Variants in SOX5 observed in about 807,000 individuals in gnomAD.
SOX5 encodes the protein transcription factor SOX-5.
SOX5 carries 9 observed loss-of-function variants against 92.0 expected under a neutral mutation model. The observed-to-expected ratio is 0.10, with a 90% CI of 0.06 to 0.17. The LOEUF (loss-of-function observed/expected upper bound fraction) is 0.17, where lower values mean the gene tolerates loss of function less well. Among genes scored for constraint, SOX5 ranks in the 10% least tolerant of loss-of-function variants. The probability of loss-of-function intolerance (pLI) is 1.00; values close to 1 mark genes in which losing one functional copy is unlikely to be tolerated. For synonymous variants in SOX5, 344 were observed against 336.3 expected (o/e 1.02, Z -0.25); for missense variants, 642 against 944.5 (o/e 0.68, Z 4.20).
chr12:24,541,239 A>G (rs576380560), intron 1 of SOX5, among the ~76,000 whole-genome samples: 11 of 152,240 alleles, frequency 7.2e-5, no homozygotes, highest in Non-Finnish European at 1.5e-4. Flanking sequence ...AGCCTGGGCT[A>G]TTACTGCACA....
chr12:24,049,792 A>G (rs926070721), intron 4 of SOX5, among the ~76,000 whole-genome samples: 9 of 151,960 alleles, frequency 5.9e-5, no homozygotes, highest in Admixed American at 5.9e-4. Context: ...ATACCTTAAA[A>G]GTTACTCAGC....
rs111432576 is a variant in SOX5, at chr12:24,279,368, A to AT, written c.-173-2057dup. 3.9e-5 allele frequency among the ~76,000 whole-genome samples: 6 copies of AT among 152,268 alleles called. 1 individual carries two copies. Among genetic ancestry groups the AT allele is most frequent in the African/African-American group, 1.4e-4 (6 of 41,576 alleles). ...GTGTGTGAAATTGACTAGAATTATT[A>AT]TAAGTACTCTGCACCCAAATTTAAT... On this transcript the variant is annotated intron_variant, in intron 2 of 4. Transcript: ENST00000446891.
At chr12:23,922,394 C>T (rs1569003952) in intron 1 of SOX5, among the ~76,000 whole-genome samples, 1 of 152,198 alleles carries the variant, frequency 6.6e-6, no homozygotes. Context: ...CTACACAGTG[C>T]TTATATTTTT....
intron 1 of SOX5, among the ~76,000 whole-genome samples, chr12:24,388,345 G>C (rs1330098232): frequency 6.7e-6 from 1 of 148,592 alleles, no homozygotes; most frequent in African/African-American, 2.6e-5. Context: ...CCTGTTCCAG[G>C]CTTCTGATTG....
intron 4 of SOX5, among the ~76,000 whole-genome samples, chr12:24,200,748 G>C (rs990747239): frequency 1.3e-5 from 2 of 152,144 alleles, no homozygotes; most frequent in Non-Finnish European, 2.9e-5. Flanking sequence ...AACACAATCA[G>C]AATGCTCACC....
chr12:24,539,699 A>G (rs2970416), intron 1 of SOX5, among the ~76,000 whole-genome samples: 1 of 152,028 alleles, frequency 6.6e-6, no homozygotes, highest in Non-Finnish European at 1.5e-5. Flanking sequence ...ACATTTCCTT[A>G]ATTTCCTACA....
At chr12:23,993,286 C>A (rs1422728442) in intron 4 of SOX5, among the ~76,000 whole-genome samples, 2 of 152,076 alleles carry the variant, frequency 1.3e-5, no homozygotes, top group African/African-American at 4.8e-5. Context: ...TTTTTAAATA[C>A]AACAAATAAG....
chr12:24,289,313 G>C (rs969968925), intron 2 of SOX5, among the ~76,000 whole-genome samples: 1 of 151,912 alleles, frequency 6.6e-6, no homozygotes, highest in Admixed American at 6.6e-5. Flanking sequence ...AGAATCTGAT[G>C]AAAGTTACAA....
chr12:23,596,273 T>G (rs74072239), intron 9 of SOX5, among the ~76,000 whole-genome samples: 32,484 of 152,118 alleles, frequency 0.21, 3,933 homozygotes, highest in African/African-American at 0.31. Flanking sequence ...AAAATACTAT[T>G]AGTATTCTTT....
At chr12:24,357,656 A>G (rs1955019026) in intron 2 of SOX5, among the ~76,000 whole-genome samples, 1 of 152,112 alleles carries the variant, frequency 6.6e-6, no homozygotes, top group Admixed American at 6.5e-5. Context: ...CATCCTGGGC[A>G]ACACGGTGAA....
At chr12:24,143,832 GGAGGAGGAA>G (rs1007441732) in intron 4 of SOX5, among the ~76,000 whole-genome samples, 42 of 151,078 alleles carry the variant, frequency 2.8e-4, no homozygotes, top group African/African-American at 9.7e-4. Context: ...GAAAGAAAGA[GGAGGAGGAA>G]GAGGAGGAGG....
intron 3 of SOX5, among the ~76,000 whole-genome samples, chr12:24,263,527 C>CAAAAAAAAAAAAAAAAAAAAA (rs386375915): frequency 7.9e-5 from 5 of 63,250 alleles, no homozygotes; most frequent in Admixed American, 2.3e-4. Context: ...GACTCCGTCT[C>CAAAAAAAAAAAAAAAAAAAAA]AAAAAAAAAA....
At chr12:24,442,531 G>A (rs1037900266) in intron 1 of SOX5, among the ~76,000 whole-genome samples, 5 of 152,170 alleles carry the variant, frequency 3.3e-5, no homozygotes, top group African/African-American at 7.2e-5. Flanking sequence ...GAGCGGGTGC[G>A]GTTTGGGGTA....
chr12:23,734,664 T>C lies in SOX5; in HGVS notation c.810+20A>G, dbSNP rs767950293. 9 of 1,572,484 alleles carry C rather than the reference T, an allele frequency of 5.7e-6. No individual in the cohort carries two copies. The highest frequency in any genetic ancestry group is 2.2e-5 in the East Asian group (1 of 44,534). Reference sequence around the variant, plus strand: ...ATATATTTTTTAAATTGTAAGTATATTGAAATTATGATTTCTGACCTGGAT... The same window carrying C: ...ATATATTTTTTAAATTGTAAGTATACTGAAATTATGATTTCTGACCTGGAT... On this transcript the variant is annotated intron_variant, in intron 6 of 14. Coordinates refer to ENST00000451604, the MANE Select transcript of SOX5 (RefSeq NM_006940.6).
At chr12:23,750,165 A>T (rs2094137791) in intron 4 of SOX5, among the ~76,000 whole-genome samples, 1 of 151,938 alleles carries the variant, frequency 6.6e-6, no homozygotes, top group Admixed American at 6.6e-5. Flanking sequence ...GGCAGTGAGA[A>T]GTTAAGTTCA....
At chr12:23,989,802 C>T (rs888350602) in intron 4 of SOX5, among the ~76,000 whole-genome samples, 1 of 152,072 alleles carries the variant, frequency 6.6e-6, no homozygotes, top group African/African-American at 2.4e-5. Flanking sequence ...TCTCAGAGTT[C>T]CAGCCTCTAG....
intron 4 of SOX5, among the ~76,000 whole-genome samples, chr12:24,009,636 AT>A (rs1249049699): frequency 6.6e-6 from 1 of 152,192 alleles, no homozygotes; most frequent in Non-Finnish European, 1.5e-5. Context: ...AGATCAGAGT[AT>A]TTCTAATGCC....
At position 23,575,836 on chromosome 12, in the gene SOX5, A is replaced by G; in HGVS notation, c.1167T>C (p.Asp389=). Residue 389 remains aspartate, a splice_region_variant and synonymous_variant, in exon 10 of 15, where the codon GAT becomes GAC. Transcript: ENST00000451604. ...ATAGGTTCAGTGGCTGTGCCACTTCATCCTGCAATGATCATTAGAACATGA... is the reference window on the plus strand; with the variant it reads ...ATAGGTTCAGTGGCTGTGCCACTTCGTCCTGCAATGATCATTAGAACATGA... ...STNSPPPKSK[D]EVAQPLNLSA... 2.6e-6 allele frequency: 4 copies of G among 1,553,058 alleles called. No homozygotes were observed. The highest frequency in any genetic ancestry group is 3.5e-6 in the Non-Finnish European group (4 of 1,152,560).
At chr12:23,797,603 C>T (rs531350220) in intron 3 of SOX5, among the ~76,000 whole-genome samples, 3 of 151,980 alleles carry the variant, frequency 2.0e-5, no homozygotes, top group Non-Finnish European at 2.9e-5. Context: ...GCAAATGCCA[C>T]GTACCTATAT....
Sources: allele counts gnomAD v4.1 joint callset (sites outside exome capture counted in the v4.1 genomes callset), GRCh38; gene constraint gnomAD v4.1.1; transcripts MANE v1.5; gene names NCBI Gene and HGNC (gene_info 2026-07-23, HGNC 2026-07-21).